CLMP: variants seen among roughly 807,000 people sequenced by gnomAD.
The protein encoded by CLMP is CXADR like cell adhesion molecule, also known as CXADR-like membrane protein.
A neutral mutation model predicts 45.2 loss-of-function variants in CLMP; 27 were observed. That is an observed-to-expected ratio of 0.60 (90% confidence interval 0.44 to 0.82). The LOEUF (loss-of-function observed/expected upper bound fraction) is 0.82. Among genes scored for constraint, CLMP ranks in the 40% least tolerant of loss-of-function variants. The pLI is 0.00. For missense variants in CLMP, 403 were observed against 448.4 expected, an observed-to-expected ratio of 0.90 and a Z score of 0.91; for synonymous variants, 167 against 171.4, an observed-to-expected ratio of 0.97 and a Z score of 0.20.
chr11:123,112,573 G>A (rs1860654596), intron 1 of CLMP, among the ~76,000 whole-genome samples: 1 of 151,964 alleles, frequency 6.6e-6, no homozygotes, highest in South Asian at 2.1e-4. Context: ...CTGACCTCAG[G>A]TGAGCCCCCC....
chr11:123,176,858 C>G (rs1861707104), intron 1 of CLMP, among the ~76,000 whole-genome samples: 1 of 152,162 alleles, frequency 6.6e-6, no homozygotes, highest in Non-Finnish European at 1.5e-5. Context: ...GTGCTATGCT[C>G]AGCTCTAAGT....
intron 1 of CLMP, among the ~76,000 whole-genome samples, chr11:123,145,152 C>T (rs1358260435): frequency 2.7e-5 from 4 of 150,912 alleles, no homozygotes; most frequent in African/African-American, 9.8e-5. Context: ...AATTAATTTC[C>T]CCTGTTTCTC....
At chr11:123,128,894 A>C (rs1180728768) in intron 1 of CLMP, among the ~76,000 whole-genome samples, 1 of 152,130 alleles carries the variant, frequency 6.6e-6, no homozygotes, top group African/African-American at 2.4e-5. Flanking sequence ...AATAGGTATG[A>C]TTTTTATTCC....
At chr11:123,092,200 T>C (rs1477016182) in intron 2 of CLMP, among the ~76,000 whole-genome samples, 1 of 152,064 alleles carries the variant, frequency 6.6e-6, no homozygotes, top group Non-Finnish European at 1.5e-5. Flanking sequence ...ACTGCTACCA[T>C]AGTGCACAGT....
intron 3 of CLMP, 60 bp from the exon 4 acceptor site, chr11:123,083,907 C>A: frequency 6.3e-7 from 1 of 1,585,824 alleles, no homozygotes. Context: ...ACACCAGATT[C>A]AATGGAAAAA....
intron 1 of CLMP, among the ~76,000 whole-genome samples, chr11:123,103,396 C>T (rs1860481244): frequency 6.6e-6 from 1 of 152,144 alleles, no homozygotes; most frequent in East Asian, 1.9e-4. Flanking sequence ...ATGAAAGTTG[C>T]CAATTTAAGC....
In CLMP at chr11:123,141,173, C is replaced by CTTTTTTTT. The variant is rs550888215; in HGVS notation, c.29-43229_29-43222dup. ...GTACATTATCCAATCTCAGGCATTC[C>CTTTTTTTT]TTTTTTTTTTTTTTTTTTTTTTTTT... On this transcript the variant is annotated intron_variant, in intron 1 of 6. Coordinates refer to ENST00000448775, the MANE Select transcript of CLMP (RefSeq NM_024769.5). 2.1e-3 allele frequency among the ~76,000 whole-genome samples: 172 copies of CTTTTTTTT among 80,840 alleles called. 11 individuals are homozygous for CTTTTTTTT. The highest frequency in any genetic ancestry group is 2.6e-3 in the Admixed American group (15 of 5,850). The allele number at this position is 80,840 out of a possible 152,430, so 53.0% of individuals were successfully genotyped here.
intron 1 of CLMP, among the ~76,000 whole-genome samples, chr11:123,137,732 C>T (rs995654892): frequency 1.3e-5 from 2 of 152,090 alleles, no homozygotes; most frequent in Non-Finnish European, 2.9e-5. Flanking sequence ...CCCAGCTCCT[C>T]GCAAACAAAG....
intron 1 of CLMP, among the ~76,000 whole-genome samples, chr11:123,135,413 CA>C (rs1232515119): frequency 7.2e-5 from 11 of 152,042 alleles, no homozygotes; most frequent in Non-Finnish European, 1.5e-4. Flanking sequence ...TAAGGACTGA[CA>C]ATGTCCCAAG....
At chr11:123,150,480 A>AAAGAAAGAAAGGAAGGAAGGAAGGAAGG (rs764502298) in intron 1 of CLMP, among the ~76,000 whole-genome samples, 1 of 40,988 alleles carries the variant, frequency 2.4e-5, no homozygotes, top group African/African-American at 1.1e-4. Context: ...AGAAAGAAAG[A>AAAGAAAGAAAGGAAGGAAGGAAGGAAGG]AAGGAAGGAA....
chr11:123,168,963 T>C (rs1409087086), intron 1 of CLMP, among the ~76,000 whole-genome samples: 1 of 152,142 alleles, frequency 6.6e-6, no homozygotes, highest in Non-Finnish European at 1.5e-5. Flanking sequence ...GAGAGGGTAG[T>C]GGGGAAACCC....
intron 1 of CLMP, chr11:123,191,348 T>A (rs1861904880): frequency 6.6e-6 from 1 of 152,188 alleles, no homozygotes; most frequent in African/African-American, 2.4e-5. Context: ...ATTATGACCA[T>A]CACCATTAAA....
chr11:123,102,914 A>C (rs1197609420), intron 1 of CLMP, among the ~76,000 whole-genome samples: 4 of 151,856 alleles, frequency 2.6e-5, no homozygotes, highest in Admixed American at 6.6e-5. Context: ...TTATCCTGTA[A>C]GCTCTTTGAC....
At chr11:123,188,057 A>T (rs548354698) in intron 1 of CLMP, among the ~76,000 whole-genome samples, 22 of 152,326 alleles carry the variant, frequency 1.4e-4, no homozygotes, top group Admixed American at 1.2e-3. Context: ...ACTTTCCTCC[A>T]AAATAGCCTC....
intron 1 of CLMP, among the ~76,000 whole-genome samples, chr11:123,167,728 A>G (rs994036899): frequency 2.0e-5 from 3 of 151,852 alleles, no homozygotes; most frequent in Non-Finnish European, 4.4e-5. Flanking sequence ...TCACCTCCTC[A>G]CTCTGGGCTT....
intron 2 of CLMP, among the ~76,000 whole-genome samples, chr11:123,086,312 G>T (rs1041564526): frequency 1.3e-5 from 2 of 152,208 alleles, no homozygotes; most frequent in African/African-American, 2.4e-5. Context: ...TAGTATCAAG[G>T]AGAGTGTCCC....
At chr11:123,148,754 G>T (rs1861272496) in intron 1 of CLMP, among the ~76,000 whole-genome samples, 1 of 152,174 alleles carries the variant, frequency 6.6e-6, no homozygotes, top group South Asian at 2.1e-4. Context: ...CATTTACAGT[G>T]GGAAGCTAGT....
intron 1 of CLMP, among the ~76,000 whole-genome samples, chr11:123,128,779 G>A (rs1479201944): frequency 1.3e-5 from 2 of 152,088 alleles, no homozygotes; most frequent in South Asian, 4.1e-4. Context: ...ATATATAGAG[G>A]TGGGAAGAAT....
chr11:123,154,556 T>C (rs895767522), intron 1 of CLMP, among the ~76,000 whole-genome samples: 4 of 152,176 alleles, frequency 2.6e-5, no homozygotes, highest in Non-Finnish European at 5.9e-5. Context: ...TTATGTCAGA[T>C]ATCATGACAT....
Sources: gnomAD v4.1 joint callset for allele counts (sites outside exome capture counted in the v4.1 genomes callset) on GRCh38, gnomAD v4.1.1 for gene constraint, MANE v1.5 for transcripts, NCBI Gene and HGNC (gene_info 2026-07-23, HGNC 2026-07-21) for gene names.